LAMP2: variants seen among roughly 807,000 people sequenced by gnomAD.
LAMP2 encodes the protein lysosome-associated membrane glycoprotein 2.
LAMP2 carries 4 observed loss-of-function variants against 25.6 expected under a neutral mutation model. That is an observed-to-expected ratio of 0.16 (90% CI 0.08 to 0.36). LAMP2 has a LOEUF of 0.36. LAMP2 is among the 10% of genes least tolerant of loss of function. The pLI, the probability that LAMP2 is intolerant of heterozygous loss-of-function variation, is 1.00. For missense variants in LAMP2, 272 were observed against 301.4 expected (o/e 0.90, Z 0.72); for synonymous variants, 108 against 112.7 (o/e 0.96, Z 0.27).
chrX:120,436,168 A>ACTCT (rs1459861912), intron 8 of LAMP2, among the ~76,000 whole-genome samples: 12 of 79,717 alleles, frequency 1.5e-4, no homozygotes, highest in African/African-American at 5.7e-4. Flanking sequence ...ACACACACAC[A>ACTCT]CACTCTCTCT....
Position 120,431,478 on chromosome X carries a change from G to A in LAMP2, c.1094-16C>T, listed in dbSNP as rs772976829. On this transcript the variant is annotated splice_polypyrimidine_tract_variant and intron_variant, in intron 8 of 8. Transcript: ENST00000200639. ...CAGTCTTGAGCTAGATGTGGAGAAA[G>A]GACAATTGAGAACAGAAACAGTGAC... The A allele has an allele frequency of 6.2e-5, 73 of 1,182,051 alleles. No homozygotes were observed. The highest frequency in any genetic ancestry group is 7.4e-5 in the Non-Finnish European group (64 of 869,545).
chrX:120,450,356 T>TAA lies in LAMP2; in HGVS notation c.398-1230_398-1229dup, dbSNP rs777515596. On this transcript the variant is annotated intron_variant, in intron 3 of 8. Coordinates refer to ENST00000200639, the MANE Select transcript of LAMP2 (RefSeq NM_002294.3). ...CTCCATCATGTAGCAAGCAGCCATA[T>TAA]AATGCTGCCTTGGCACCCCCTAATG... Among the ~76,000 whole-genome samples the TAA allele has an allele frequency of 7.1e-5, 8 of 112,118 alleles. No homozygotes were observed. In the East Asian group the frequency reaches 2.2e-3, roughly 31 times the overall value.
intron 3 of LAMP2, among the ~76,000 whole-genome samples, chrX:120,453,632 A>C (rs2058631500): frequency 9.0e-6 from 1 of 111,307 alleles, no homozygotes; most frequent in South Asian, 3.8e-4. Context: ...ACATGGAGAA[A>C]CCCTGTCTCT....
intron 1 of LAMP2, among the ~76,000 whole-genome samples, chrX:120,459,333 G>T (rs1487531509): frequency 1.8e-5 from 2 of 112,320 alleles, no homozygotes; most frequent in Non-Finnish European, 3.8e-5. Flanking sequence ...GAAAACACTG[G>T]ATACTTGCTT....
chrX:120,440,784 T>C (rs1372831635), intron 8 of LAMP2, among the ~76,000 whole-genome samples: 1 of 112,482 alleles, frequency 8.9e-6, no homozygotes, highest in East Asian at 2.8e-4. Flanking sequence ...AAAGGGAAAA[T>C]GAATTCTTGA....
intron 1 of LAMP2, among the ~76,000 whole-genome samples, chrX:120,467,916 C>A (rs759625729): frequency 5.1e-4 from 57 of 111,562 alleles, no homozygotes; most frequent in Non-Finnish European, 7.5e-5. Context: ...GCATGTGCCA[C>A]GACGCCCGGC....
In LAMP2 at chrX:120,441,735, G is replaced by A; in HGVS notation, c.1088C>T (p.Ser363Phe). 8.3e-7 allele frequency: 1 copy of A among 1,202,296 alleles called. No individual in the cohort carries two copies. Among genetic ancestry groups the A allele is most frequent in the Non-Finnish European group, 1.1e-6 (1 of 886,972 alleles). Residue 363 changes from serine to phenylalanine, a missense_variant, in exon 8 of 9, where the codon TCT becomes TTT. Transcript: ENST00000200639. ...GAAGTTTGCTTGATTCTTACCTGTAGAATACTTTCCTTGTGTCACATTGAA... is the reference window on the plus strand; with the variant it reads ...GAAGTTTGCTTGATTCTTACCTGTAAAATACTTTCCTTGTGTCACATTGAA... ...QPFNVTQGKYSTAQDCSADDD... is the reference protein window; with the variant it reads ...QPFNVTQGKYFTAQDCSADDD...
intron 6 of LAMP2, among the ~76,000 whole-genome samples, chrX:120,443,912 C>T (rs966102333): frequency 1.8e-5 from 2 of 109,099 alleles, no homozygotes; most frequent in African/African-American, 6.7e-5. Context: ...ATCTGGGAGG[C>T]GGAGGTTGTA....
Position 120,454,014 on chromosome X carries a change from T to C in LAMP2, c.397+1343A>G, listed in dbSNP as rs2058633388. Among the ~76,000 whole-genome samples the C allele has an allele frequency of 2.7e-5, 3 of 111,212 alleles. No homozygotes were observed. In the Admixed American group the frequency reaches 2.9e-4, roughly 11 times the overall value. ...TGCTTTCCCTGGTTTCAGTTACCCA[T>C]GGTCAATTGAGCTCTGAAAATATTC... On this transcript the variant is annotated intron_variant, in intron 3 of 8. Transcript: ENST00000200639.
intron 1 of LAMP2, among the ~76,000 whole-genome samples, chrX:120,464,143 C>T (rs1029729329): frequency 9.0e-6 from 1 of 111,246 alleles, no homozygotes; most frequent in African/African-American, 3.3e-5. Flanking sequence ...TTACCCCCTT[C>T]GAGACTACGG....
At chrX:120,468,979 C>T (rs1029805722) in intron 1 of LAMP2, 127 bp downstream of exon 1, 5 of 782,647 alleles carry the variant, frequency 6.4e-6, no homozygotes, top group South Asian at 6.3e-5. Flanking sequence ...GGCCAACCGC[C>T]GCCGCCCAGT....
rs2147282386 is a variant in LAMP2, at chrX:120,447,872, A to G, written c.710T>C (p.Met237Thr). ...NGNDTCLLAT[M>T]GLQLNITQDK... Reference sequence around the variant, plus strand: ...CTGAGTGATGTTCAGCTGCAGCCCCATGGTAGCCAGCAGACAAGTATCATT... The same window carrying G: ...CTGAGTGATGTTCAGCTGCAGCCCCGTGGTAGCCAGCAGACAAGTATCATT... Residue 237 changes from methionine to threonine, a missense_variant, in exon 5 of 9, where the codon ATG (methionine) becomes ACG (threonine). Transcript: ENST00000200639. The G allele has an allele frequency of 8.3e-7, 1 of 1,211,011 alleles. No homozygotes were observed. Among genetic ancestry groups the G allele is most frequent in the Non-Finnish European group, 1.1e-6 (1 of 894,661 alleles).
At chrX:120,457,393 T>C (rs1921142172) in intron 1 of LAMP2, among the ~76,000 whole-genome samples, 1 of 112,268 alleles carries the variant, frequency 8.9e-6, no homozygotes, top group African/African-American at 3.2e-5. Context: ...CTTTCTATCA[T>C]GTAACCAAGG....
rs193230112 is a variant in LAMP2 at position 120,429,300 on chromosome X, C to G, written c.*2023G>C. On this transcript the variant is annotated 3_prime_UTR_variant, in exon 9 of 9. Transcript: ENST00000200639. ...ACATGTGCAATGTAGATTTTGAGTT[C>G]TGGATTCAGACAGAACTGTGTTTAA... The G allele has an allele frequency of 1.4e-6, 1 of 721,643 alleles. No individual in the cohort carries two copies. The highest frequency in any genetic ancestry group is 3.6e-5 in the African/African-American group (1 of 27,915). The allele number at this position is 721,643 out of a possible 1,213,427, so 59.5% of individuals were successfully genotyped here.
intron 2 of LAMP2, 132 bp downstream of exon 2, chrX:120,456,519 C>T: frequency 7.2e-6 from 3 of 415,189 alleles, no homozygotes; most frequent in Non-Finnish European, 1.3e-5. Flanking sequence ...AGTGTGTATG[C>T]TTAAAAAAAA....
Position 120,453,068 on chromosome X carries a change from T to A in LAMP2, c.397+2289A>T, listed in dbSNP as rs189149487. On this transcript the variant is annotated intron_variant, in intron 3 of 8. Transcript: ENST00000200639. ...AGCTCAATGTTTTCCAATTTTTCCA[T>A]GTAACTCGGGAATAGCATTTAGCTT... 9.0e-5 allele frequency among the ~76,000 whole-genome samples: 10 copies of A among 111,239 alleles called. No individual in the cohort carries two copies. In the East Asian group the frequency reaches 2.8e-3, roughly 31 times the overall value.
intron 1 of LAMP2, among the ~76,000 whole-genome samples, chrX:120,460,267 C>T (rs1921262461): frequency 1.8e-5 from 2 of 108,464 alleles, no homozygotes; most frequent in African/African-American, 6.7e-5. Flanking sequence ...ATAGAGACTC[C>T]GTCTCAAAAA....
At chrX:120,436,905 A>G (rs1191126708) in intron 8 of LAMP2, 2 of 743,018 alleles carry the variant, frequency 2.7e-6, no homozygotes, top group African/African-American at 4.6e-5. Context: ...TTTTAGAAAT[A>G]TTAACAGCAT....
chrX:120,429,537 G>A lies in LAMP2; in HGVS notation c.*1786C>T. The A allele has an allele frequency of 1.3e-6, 1 of 750,772 alleles. No individual in the cohort carries two copies. The highest frequency in any genetic ancestry group is 1.6e-6 in the Non-Finnish European group (1 of 636,555). 61.9% of individuals were successfully genotyped at this position (750,772 alleles called of 1,213,427 possible). A position where few individuals can be genotyped will look rare whatever the true frequency, so the allele number is the denominator to read the frequency against. On this transcript the variant is annotated 3_prime_UTR_variant, in exon 9 of 9. Coordinates refer to ENST00000200639, the MANE Select transcript of LAMP2 (RefSeq NM_002294.3). Reference sequence around the variant, plus strand: ...CTCTTATGCTCATGATCCCATCTGAGGAGGATTAGGTTTTGAAGTAGCAAA... The same window carrying A: ...CTCTTATGCTCATGATCCCATCTGAAGAGGATTAGGTTTTGAAGTAGCAAA...
Sources: gnomAD v4.1 joint callset for allele counts (sites outside exome capture counted in the v4.1 genomes callset) on GRCh38, gnomAD v4.1.1 for gene constraint, MANE v1.5 for transcripts, NCBI Gene and HGNC (gene_info 2026-07-23, HGNC 2026-07-21) for gene names.